The following SH3BP2 variants were observed in gnomAD, a reference collection of about 807,000 sequenced individuals.
The protein encoded by SH3BP2 is SH3 domain-binding protein 2.
Under a neutral mutation model 56.2 loss-of-function variants are expected in SH3BP2, and 38 were observed. The observed-to-expected ratio is 0.68, with a 90% CI of 0.52 to 0.89. SH3BP2 has a LOEUF of 0.89. Among genes scored for constraint, SH3BP2 ranks in the 40% least tolerant of loss-of-function variants. SH3BP2 has a pLI of 0.00. For synonymous variants in SH3BP2, 346 were observed against 316.7 expected (o/e 1.09, Z -0.98); for missense variants, 748 against 762.6 (o/e 0.98, Z 0.23).
rs919669159 is a variant in SH3BP2, at chr4:2,796,262, C to G, written c.-5+3124C>G. 3 of 216,798 alleles carry G rather than the reference C, an allele frequency of 1.4e-5. No individual in the cohort carries two copies. In the East Asian group the frequency reaches 5.5e-4, roughly 40 times the overall value. 13.4% of individuals were successfully genotyped at this position (216,798 alleles called of 1,614,324 possible). On this transcript the variant is annotated intron_variant, in intron 1 of 12. Transcript: ENST00000503393. Reference sequence around the variant, plus strand: ...CTTCAAGGGTGACGCGAGAGAAGCACGTGCCCAGGTTCGGGGCGGGTGGAG... The same window carrying G: ...CTTCAAGGGTGACGCGAGAGAAGCAGGTGCCCAGGTTCGGGGCGGGTGGAG...
intron 12 of SH3BP2, 197 bp from the exon 13 acceptor site, chr4:2,833,500 G>A (rs577006097): frequency 1.3e-4 from 85 of 675,266 alleles, no homozygotes; most frequent in Middle Eastern, 3.9e-4. Context: ...CATGGAGGAC[G>A]GAGGGGAAGT....
intron 12 of SH3BP2, chr4:2,833,317 T>G: frequency 1.7e-6 from 1 of 584,528 alleles, no homozygotes; most frequent in Non-Finnish European, 3.1e-6. Flanking sequence ...CTTTTTCTTT[T>G]TGCGGGGACA....
intron 3 of SH3BP2, among the ~76,000 whole-genome samples, chr4:2,824,408 C>T (rs1724476245): frequency 6.6e-6 from 1 of 152,128 alleles, no homozygotes; most frequent in Non-Finnish European, 1.5e-5. Flanking sequence ...ACCCAGCACC[C>T]CTCTTCCATG....
chr4:2,831,272 A>G lies in SH3BP2; in HGVS notation c.1242-299A>G, dbSNP rs1724969955. ...CATGACCGGACCTCCCCTCCCCACG[A>G]GCATCCAGAGCACTTGTTGACGGTG... On this transcript the variant is annotated intron_variant, in intron 8 of 12. Transcript: ENST00000503393. The surrounding 1 kb of genome is among the most constrained non-coding windows in gnomAD (Gnocchi z 4.1). Among the ~76,000 whole-genome samples the G allele has an allele frequency of 6.6e-6, 1 of 152,132 alleles. No individual in the cohort carries two copies. The highest frequency in any genetic ancestry group is 6.5e-5 in the Admixed American group (1 of 15,278).
chr4:2,829,788 C>T lies in SH3BP2; in HGVS notation c.882C>T (p.Pro294=), dbSNP rs141046147. 1.2e-6 allele frequency: 2 copies of T among 1,613,264 alleles called. No individual in the cohort carries two copies. Among genetic ancestry groups the T allele is most frequent in the Non-Finnish European group, 1.7e-6 (2 of 1,179,914 alleles). The change falls in exon 8 of 13, where the codon CCC becomes CCT. Residue 294 remains proline (P), a synonymous_variant. Transcript: ENST00000503393. The surrounding 1 kb of genome is among the most constrained non-coding windows in gnomAD (Gnocchi z 4.9). ...CCACCGCACCCGGCCTCCGGAAACC[C>T]CCTTGCTTCCGGGAGAGTGCCAGCC... ...TMPTAPGLRK[P]PCFRESASPS... is the part of the protein sequence containing the mutation.
intron 1 of SH3BP2, among the ~76,000 whole-genome samples, chr4:2,801,107 T>G (rs1012876658): frequency 4.0e-5 from 6 of 151,450 alleles, no homozygotes. Context: ...CTGCCTGTCT[T>G]GACCGCGGAG....
chr4:2,802,547 T>C (rs987802586), intron 1 of SH3BP2, among the ~76,000 whole-genome samples: 1 of 143,876 alleles, frequency 7.0e-6, no homozygotes, highest in South Asian at 2.2e-4. Context: ...TGTGTGTGTA[T>C]ATATATGTGT....
chr4:2,814,221 A>G (rs866562874), intron 1 of SH3BP2, among the ~76,000 whole-genome samples: 24 of 152,356 alleles, frequency 1.6e-4, no homozygotes, highest in African/African-American at 5.8e-4. Flanking sequence ...GACACAGCGC[A>G]CATGAGGGCC....
At position 2,833,315 on chromosome 4, in the gene SH3BP2, T is replaced by C. The variant is rs531625652; in HGVS notation, c.1548+266T>C. On this transcript the variant is annotated intron_variant, in intron 12 of 12. Coordinates refer to ENST00000503393, the MANE Select transcript of SH3BP2 (RefSeq NM_001122681.2). The stretch of plus-strand genomic sequence containing the variant: ...TGGGTTGCTTGTCTTGTCTTTTTCT[T>C]TTTGCGGGGACAGGGGTCTCACTGT... 1.9e-4 allele frequency: 113 copies of C among 585,622 alleles called. 1 individual carries two copies. The Middle Eastern group carries it at 3.6e-3, about 19-fold the overall frequency. 36.3% of individuals were successfully genotyped at this position (585,622 alleles called of 1,614,324 possible).
rs373554386 is a variant in SH3BP2 at position 2,832,386 on chromosome 4, C to T, written c.1462C>T (p.Arg488Trp). The T allele has an allele frequency of 5.9e-5, 95 of 1,613,982 alleles. No homozygotes were observed. The highest frequency in any genetic ancestry group is 6.9e-5 in the Non-Finnish European group (82 of 1,179,986). The change falls in exon 11 of 13, where the codon CGG (arginine) becomes TGG (tryptophan). Residue 488 changes from arginine to tryptophan, a missense_variant. Physicochemically the swap from Arg to Trp is moderately radical, Grantham distance 101. This residue lies in a region of SH3BP2 where 635 missense variants were observed against 615.0 expected (regional missense o/e 1.03). Transcript: ENST00000503393. The stretch of plus-strand genomic sequence containing the variant: ...GCCCCAGGATGGACTCTACTGCATC[C>T]GGAACTCCTCTACCAAGTCGGGGAA... The part of the protein sequence containing the change: ...GEPQDGLYCI[R>W]NSSTKSGKVL...
chr4:2,827,455 G>A lies in SH3BP2; in HGVS notation c.517+137G>A, dbSNP rs190399447. ...TTGGCAGTGCGCAGTAGCATCCCTG[G>A]GCTCTGGCCTTCAGCGGCAGGGTCT... On this transcript the variant is annotated intron_variant, in intron 6 of 12. Transcript: ENST00000503393. 143 of 1,167,080 alleles carry A rather than the reference G, an allele frequency of 1.2e-4. 1 individual carries two copies. The Admixed American group carries it at 2.2e-3, about 18-fold the overall frequency. The allele number at this position is 1,167,080 out of a possible 1,614,324, so 72.3% of individuals were successfully genotyped here.
rs568332811 is a variant in SH3BP2, at chr4:2,840,234, C to CAAAAAAAAAAAAAA, written c.*6407_*6420dup. On this transcript the variant is annotated 3_prime_UTR_variant, in exon 13 of 13. Transcript: ENST00000503393. ...AGTGAGACCCTATCTCAAAAAAAAC[C>CAAAAAAAAAAAAAA]AAAAAAAAAAAAAAAAAAAAGAAAA... The CAAAAAAAAAAAAAA allele has an allele frequency of 2.4e-5, 2 of 82,798 alleles. No individual in the cohort carries two copies. Among genetic ancestry groups the CAAAAAAAAAAAAAA allele is most frequent in the Non-Finnish European group, 4.5e-5 (2 of 44,548 alleles). The allele number at this position is 82,798 out of a possible 1,614,324, so 5.1% of individuals were successfully genotyped here.
At chr4:2,805,527 C>T (rs919646448) in intron 1 of SH3BP2, among the ~76,000 whole-genome samples, 3 of 152,214 alleles carry the variant, frequency 2.0e-5, no homozygotes, top group African/African-American at 7.2e-5. Context: ...GTTCATGCTG[C>T]AGGAGGCACC....
chr4:2,804,949 G>A (rs998903612), intron 1 of SH3BP2, among the ~76,000 whole-genome samples: 2 of 152,256 alleles, frequency 1.3e-5, no homozygotes, highest in African/African-American at 2.4e-5. Context: ...GATGGAGCGG[G>A]CACAGAGCTG....
rs187151959 is a variant in SH3BP2 at position 2,822,668 on chromosome 4, C to T, written c.137-267C>T. ...CTCATGCTGGCTCCACACAGCCCCCCAAATCTACCTCTTCTTTGTGGGCAG... is the reference window on the plus strand; with the variant it reads ...CTCATGCTGGCTCCACACAGCCCCCTAAATCTACCTCTTCTTTGTGGGCAG... On this transcript the variant is annotated intron_variant, in intron 2 of 12. Coordinates refer to ENST00000503393, the MANE Select transcript of SH3BP2 (RefSeq NM_001122681.2). Among the ~76,000 whole-genome samples, 716 of 152,368 alleles carry T rather than the reference C, an allele frequency of 4.7e-3. 5 individuals are homozygous for T. The highest frequency in any genetic ancestry group is 4.9e-3 in the Non-Finnish European group (331 of 68,032).
intron 1 of SH3BP2, chr4:2,799,243 G>A (rs1366454895): frequency 7.1e-6 from 7 of 985,318 alleles, no homozygotes; most frequent in African/African-American, 7.0e-5. Flanking sequence ...CCTTCCCCTC[G>A]GGACCCTCAC....
intron 7 of SH3BP2, among the ~76,000 whole-genome samples, chr4:2,828,125 C>T (rs1383344969): frequency 2.0e-5 from 3 of 149,596 alleles, no homozygotes; most frequent in Admixed American, 1.3e-4. Context: ...CAGGCTGATA[C>T]AGGTGGTCAC....
chr4:2,823,541 C>T, intron 3 of SH3BP2: 1 of 456,192 alleles, frequency 2.2e-6, no homozygotes, highest in South Asian at 1.6e-5. Context: ...GGGCCATGAG[C>T]TGCCCTGGAG....
intron 1 of SH3BP2, among the ~76,000 whole-genome samples, chr4:2,803,032 G>A (rs1236336945): frequency 1.3e-5 from 2 of 152,272 alleles, no homozygotes; most frequent in African/African-American, 2.4e-5. Flanking sequence ...AGCCCGAGGT[G>A]TGTGCAGGAG....
Sources: allele counts gnomAD v4.1 joint callset (sites outside exome capture counted in the v4.1 genomes callset), GRCh38; gene constraint gnomAD v4.1.1; regional missense constraint gnomAD v4.1.1; non-coding constraint Gnocchi (gnomAD v3.1); transcripts MANE v1.5; gene names NCBI Gene and HGNC (gene_info 2026-07-23, HGNC 2026-07-21).